Variants in RNF2 observed in about 807,000 individuals in gnomAD.
The protein encoded by RNF2 is E3 ubiquitin-protein ligase RING2.
Under a neutral mutation model 37.2 loss-of-function variants are expected in RNF2, and 6 were observed. The ratio of observed to expected loss-of-function variants is 0.16; its 90% confidence interval spans 0.09 to 0.32. The LOEUF is 0.32. RNF2 is among the 10% of genes least tolerant of loss of function. The pLI is 1.00. For missense variants in RNF2, 251 were observed against 404.0 expected, an observed-to-expected ratio of 0.62 and a Z score of 3.25; for synonymous variants, 133 against 132.7, an observed-to-expected ratio of 1.00 and a Z score of -0.02.
At chr1:185,060,704 G>A (rs922210573) in intron 1 of RNF2, among the ~76,000 whole-genome samples, 5 of 152,196 alleles carry the variant, frequency 3.3e-5, no homozygotes, top group Non-Finnish European at 4.4e-5. Flanking sequence ...GAAACCCTTT[G>A]GCAAGCAGAG....
At chr1:185,093,668 C>T (rs986841101) in intron 4 of RNF2, among the ~76,000 whole-genome samples, 6 of 152,268 alleles carry the variant, frequency 3.9e-5, no homozygotes, top group East Asian at 3.9e-4. Flanking sequence ...TCAGACCTCG[C>T]GTTACTTAGC....
rs548997510 is a variant in RNF2, at chr1:185,063,242, T to C, written c.-3+17593T>C. On this transcript the variant is annotated intron_variant, in intron 1 of 6. Transcript: ENST00000367510. ...TAATTTTTACACAGAATACGTAGAA[T>C]AGTGGTTCTCAAAACTGGCTGCACA... Among the ~76,000 whole-genome samples, 7 of 152,346 alleles carry C rather than the reference T, an allele frequency of 4.6e-5. No homozygotes were observed. The East Asian group carries it at 1.4e-3, about 29-fold the overall frequency.
In RNF2 at chr1:185,101,785, A is replaced by C. The variant is rs1198401380; in HGVS notation, c.*1484A>C. The C allele has an allele frequency of 6.8e-6, 1 of 146,804 alleles. No homozygotes were observed. The highest frequency in any genetic ancestry group is 2.5e-5 in the African/African-American group (1 of 39,504). The allele number at this position is 146,804 out of a possible 1,614,324, so 9.1% of individuals were successfully genotyped here. On this transcript the variant is annotated 3_prime_UTR_variant, in exon 7 of 7. Coordinates refer to ENST00000367510, the MANE Select transcript of RNF2 (RefSeq NM_007212.4). ...TATGAAAACTTAAAGGTATATATTC[A>C]ATTTTTTACCATTTTATGGAAAATA... is the stretch of plus-strand genomic sequence containing the variant.
chr1:185,092,270 G>A (rs1365160405), intron 3 of RNF2, among the ~76,000 whole-genome samples: 1 of 151,726 alleles, frequency 6.6e-6, no homozygotes, highest in African/African-American at 2.4e-5. Flanking sequence ...TCCACCTCCC[G>A]GGTTCAAGTG....
rs145378429 is a variant in RNF2 at position 185,080,412 on chromosome 1, A to G, written c.-2-7140A>G. ...CAGGGTGAATTTAGATTAAATTTAA[A>G]TGAAGATGTATATTGATCTAAAGCA... On this transcript the variant is annotated intron_variant, in intron 1 of 6. Transcript: ENST00000367510. Among the ~76,000 whole-genome samples, 6 of 152,328 alleles carry G rather than the reference A, an allele frequency of 3.9e-5. No individual in the cohort carries two copies. In the East Asian group the frequency reaches 9.6e-4, roughly 24 times the overall value.
chr1:185,061,800 A>G (rs552806699), intron 1 of RNF2, among the ~76,000 whole-genome samples: 24 of 152,342 alleles, frequency 1.6e-4, no homozygotes, highest in African/African-American at 5.3e-4. Context: ...TTTTTAGGCA[A>G]TGTACTGTCA....
chr1:185,085,453 AC>A (rs1651561130), intron 1 of RNF2, among the ~76,000 whole-genome samples: 1 of 151,232 alleles, frequency 6.6e-6, no homozygotes, highest in Non-Finnish European at 1.5e-5. Flanking sequence ...TCTTTCTTAT[AC>A]CAGTGTTTTG....
chr1:185,049,574 T>C (rs1650215280), intron 1 of RNF2, among the ~76,000 whole-genome samples: 1 of 152,140 alleles, frequency 6.6e-6, no homozygotes, highest in Non-Finnish European at 1.5e-5. Context: ...TTAGAATTAT[T>C]GTTTTACAAT....
rs149122791 is a variant in RNF2, at chr1:185,090,692, C to G, written c.88-887C>G. On this transcript the variant is annotated intron_variant, in intron 2 of 6. Transcript: ENST00000367510. ...GCCACTTATTTATACCTGCATCTTCCTTTACAATTCTCGCCATACTAGAAC... is the reference window on the plus strand; with the variant it reads ...GCCACTTATTTATACCTGCATCTTCGTTTACAATTCTCGCCATACTAGAAC... Among the ~76,000 whole-genome samples the G allele has an allele frequency of 3.6e-3, 546 of 152,278 alleles. 18 individuals carry two copies. The highest frequency in any genetic ancestry group is 0.032 in the Admixed American group (489 of 15,298).
rs116085621 is a variant in RNF2 at position 185,060,674 on chromosome 1, T to C, written c.-3+15025T>C. 7.4e-3 allele frequency among the ~76,000 whole-genome samples: 1,134 copies of C among 152,278 alleles called. 6 individuals are homozygous for C. The highest frequency in any genetic ancestry group is 0.014 in the Admixed American group (210 of 15,300). ...TAATGGGTCACTAGATTTAAATAAA[T>C]TGGATGAATCAGTAGACTGGAAACC... is the stretch of plus-strand genomic sequence containing the variant. On this transcript the variant is annotated intron_variant, in intron 1 of 6. Coordinates refer to ENST00000367510, the MANE Select transcript of RNF2 (RefSeq NM_007212.4).
At chr1:185,060,355 A>G (rs774635530) in intron 1 of RNF2, among the ~76,000 whole-genome samples, 1 of 152,212 alleles carries the variant, frequency 6.6e-6, no homozygotes, top group Non-Finnish European at 1.5e-5. Context: ...GTGGCAGTCA[A>G]CAGTCAGTAG....
intron 2 of RNF2, among the ~76,000 whole-genome samples, chr1:185,090,318 A>T (rs560318441): frequency 6.6e-6 from 1 of 152,146 alleles, no homozygotes. Flanking sequence ...GGAGGAGAAC[A>T]TAGATGGTTG....
intron 1 of RNF2, among the ~76,000 whole-genome samples, chr1:185,058,892 G>A (rs984462706): frequency 1.8e-4 from 28 of 152,164 alleles, no homozygotes; most frequent in African/African-American, 6.5e-4. Context: ...TATTGACTTG[G>A]TTAAAGTCAT....
intron 1 of RNF2, among the ~76,000 whole-genome samples, chr1:185,046,768 C>A (rs1224468870): frequency 6.6e-6 from 1 of 152,104 alleles, no homozygotes; most frequent in African/African-American, 2.4e-5. Context: ...ATGTTTAAAA[C>A]GAATGTACGA....
chr1:185,073,797 C>T (rs1037240513), intron 1 of RNF2, among the ~76,000 whole-genome samples: 40 of 152,228 alleles, frequency 2.6e-4, no homozygotes, highest in African/African-American at 9.6e-4. Context: ...ATTTCTGACA[C>T]TAAATATGTG....
Position 185,093,112 on chromosome 1 carries a change from A to G in RNF2, c.300A>G (p.Leu100=), listed in dbSNP as rs1651815252. 6.2e-7 allele frequency: 1 copy of G among 1,613,990 alleles called. No individual in the cohort carries two copies. Among genetic ancestry groups the G allele is most frequent in the Non-Finnish European group, 8.5e-7 (1 of 1,179,888 alleles). The change falls in exon 4 of 7, where the codon CTA becomes CTG. Residue 100 remains leucine, a synonymous_variant. Transcript: ENST00000367510. The stretch of plus-strand genomic sequence containing the variant: ...AAAAACTAGTTTCCAAAAGATCACT[A>G]AGGCCAGACCCAAACTTTGATGCAC... ...CRKKLVSKRS[L]RPDPNFDALI...
intron 1 of RNF2, among the ~76,000 whole-genome samples, chr1:185,057,534 C>T (rs1650469247): frequency 6.6e-6 from 1 of 151,774 alleles, no homozygotes; most frequent in Non-Finnish European, 1.5e-5. Context: ...ACCTGTTGTC[C>T]CCGTAAGTTT....
At chr1:185,069,958 T>A (rs1436537715) in intron 1 of RNF2, among the ~76,000 whole-genome samples, 2 of 152,262 alleles carry the variant, frequency 1.3e-5, no homozygotes, top group African/African-American at 4.8e-5. Context: ...TTTCTGCTTA[T>A]GAGGCACATT....
chr1:185,085,431 C>A (rs959600069), intron 1 of RNF2, among the ~76,000 whole-genome samples: 1 of 151,612 alleles, frequency 6.6e-6, no homozygotes, highest in Non-Finnish European at 1.5e-5. Flanking sequence ...CCACCGCGCC[C>A]GGCCTGACCC....
Sources: allele counts gnomAD v4.1 joint callset (sites outside exome capture counted in the v4.1 genomes callset), GRCh38; gene constraint gnomAD v4.1.1; transcripts MANE v1.5; gene names NCBI Gene and HGNC (gene_info 2026-07-23, HGNC 2026-07-21).